KIF6: variants seen among roughly 807,000 people sequenced by gnomAD.
The protein encoded by KIF6 is kinesin family member 6.
Under a neutral mutation model 112.7 loss-of-function variants are expected in KIF6, and 106 were observed. That is an observed-to-expected ratio of 0.94 (90% CI 0.80 to 1.11). The LOEUF (loss-of-function observed/expected upper bound fraction) is 1.11. KIF6 is among the 50% of genes least tolerant of loss of function. The pLI is 0.00. For synonymous variants in KIF6, 339 were observed against 339.9 expected, an observed-to-expected ratio of 1.00 and a Z score of 0.03; for missense variants, 929 against 964.0, an observed-to-expected ratio of 0.96 and a Z score of 0.48.
intron 5 of KIF6, among the ~76,000 whole-genome samples, chr6:39,632,670 C>T (rs1043383341): frequency 5.3e-5 from 8 of 151,936 alleles, no homozygotes; most frequent in African/African-American, 1.9e-4. Flanking sequence ...AGAAAACTAG[C>T]AGATTCAATA....
intron 3 of KIF6, among the ~76,000 whole-genome samples, chr6:39,661,439 A>G (rs1251148457): frequency 6.6e-6 from 1 of 152,156 alleles, no homozygotes; most frequent in Non-Finnish European, 1.5e-5. Context: ...TGCTATGTAC[A>G]CTTTTAGATT....
chr6:39,667,541 A>G (rs535723760), intron 3 of KIF6, among the ~76,000 whole-genome samples: 1 of 152,314 alleles, frequency 6.6e-6, no homozygotes, highest in East Asian at 1.9e-4. Flanking sequence ...AGAATGCTTT[A>G]CCAGCTTTCT....
intron 3 of KIF6, among the ~76,000 whole-genome samples, chr6:39,672,017 C>T (rs1786845095): frequency 6.6e-6 from 1 of 152,164 alleles, no homozygotes; most frequent in South Asian, 2.1e-4. Context: ...ACCTGGTACC[C>T]TAAGCTGTTG....
At chr6:39,638,466 A>C (rs1467152210) in intron 4 of KIF6, among the ~76,000 whole-genome samples, 1 of 152,134 alleles carries the variant, frequency 6.6e-6, no homozygotes, top group Admixed American at 6.6e-5. Context: ...GAAATAAGTG[A>C]GTAAATGAAA....
At chr6:39,361,597 A>C (rs1199527107) in intron 17 of KIF6, among the ~76,000 whole-genome samples, 1 of 150,788 alleles carries the variant, frequency 6.6e-6, no homozygotes, top group Non-Finnish European at 1.5e-5. Context: ...GGTGTTGGAA[A>C]GAAACTAAGG....
chr6:39,535,085 C>G (rs948153725), intron 13 of KIF6, among the ~76,000 whole-genome samples: 13 of 152,194 alleles, frequency 8.5e-5, no homozygotes, highest in African/African-American at 3.1e-4. Flanking sequence ...AAAGGAACAA[C>G]TGGTACCAGC....
At chr6:39,360,294 G>C (rs552165968) in intron 18 of KIF6, 101 bp downstream of exon 18, 1 of 1,357,328 alleles carries the variant, frequency 7.4e-7, no homozygotes, top group East Asian at 2.3e-5. Flanking sequence ...CTGAGACCAT[G>C]GGGGCCTGTG....
intron 13 of KIF6, among the ~76,000 whole-genome samples, chr6:39,463,540 A>T (rs915057755): frequency 6.6e-6 from 1 of 152,186 alleles, no homozygotes; most frequent in African/African-American, 2.4e-5. Context: ...GCATGTTTAG[A>T]TCTATTTAAC....
chr6:39,450,448 T>C (rs916739176), intron 13 of KIF6, among the ~76,000 whole-genome samples: 14 of 152,210 alleles, frequency 9.2e-5, no homozygotes, highest in Non-Finnish European at 1.6e-4. Flanking sequence ...ATTACTTTAC[T>C]TTTTCTAATT....
intron 6 of KIF6, among the ~76,000 whole-genome samples, chr6:39,601,503 C>T (rs971155971): frequency 3.3e-5 from 5 of 152,090 alleles, no homozygotes; most frequent in African/African-American, 1.2e-4. Flanking sequence ...AACTGTTTAT[C>T]AAAATCCTTT....
At chr6:39,483,504 C>G (rs1028638370) in intron 13 of KIF6, among the ~76,000 whole-genome samples, 1 of 152,174 alleles carries the variant, frequency 6.6e-6, no homozygotes, top group African/African-American at 2.4e-5. Flanking sequence ...TGGGGTGTAC[C>G]TTTGTCTGAC....
intron 19 of KIF6, among the ~76,000 whole-genome samples, chr6:39,348,879 G>A (rs1763995127): frequency 6.6e-6 from 1 of 152,208 alleles, no homozygotes; most frequent in South Asian, 2.1e-4. Context: ...AACAGCCGCT[G>A]GGCCCTCGCT....
intron 13 of KIF6, among the ~76,000 whole-genome samples, chr6:39,432,810 C>T (rs1200945515): frequency 6.6e-6 from 1 of 152,178 alleles, no homozygotes; most frequent in Non-Finnish European, 1.5e-5. Flanking sequence ...CCTTTTGCTA[C>T]ATAATAAAAT....
chr6:39,672,274 G>A (rs1032098730), intron 3 of KIF6, among the ~76,000 whole-genome samples: 2 of 152,060 alleles, frequency 1.3e-5, no homozygotes, highest in South Asian at 2.1e-4. Flanking sequence ...GAGCCACCAC[G>A]CCCAGCTAGA....
intron 19 of KIF6, among the ~76,000 whole-genome samples, chr6:39,347,447 AC>A (rs1160103210): frequency 6.6e-6 from 1 of 152,184 alleles, no homozygotes; most frequent in African/African-American, 2.4e-5. Context: ...GTGCAGTGGA[AC>A]CCAGAAGCTC....
At chr6:39,518,456 G>C (rs1189104092) in intron 13 of KIF6, among the ~76,000 whole-genome samples, 1 of 152,206 alleles carries the variant, frequency 6.6e-6, no homozygotes, top group East Asian at 1.9e-4. Flanking sequence ...CATATCAGTG[G>C]ATTGTAAAAT....
intron 3 of KIF6, among the ~76,000 whole-genome samples, chr6:39,695,077 C>G (rs1442028508): frequency 1.3e-5 from 2 of 152,008 alleles, no homozygotes; most frequent in Non-Finnish European, 2.9e-5. Flanking sequence ...GAAAGGATAC[C>G]CTATTGAATA....
Position 39,555,467 on chromosome 6 carries a change from CGTGTACTT to C in KIF6, c.1182-9787_1182-9780del, listed in dbSNP as rs1277011077. On this transcript the variant is annotated intron_variant, in intron 10 of 22. Transcript: ENST00000287152. ...TGCTACCCTGCTGGGCCCTCAGCCC[CGTGTACTT>C]GTAGGGGGTAGGAGTAGGGGTGGGG... Among the ~76,000 whole-genome samples the C allele has an allele frequency of 6.2e-4, 94 of 152,012 alleles. 3 individuals carry two copies. Among genetic ancestry groups the C allele is most frequent in the Non-Finnish European group, 2.9e-5 (2 of 67,996 alleles).
In KIF6 at chr6:39,613,250, G is replaced by A; in HGVS notation, c.578C>T (p.Thr193Ile). The change falls in exon 6 of 23, where the codon ACC becomes ATC. Residue 193 changes from threonine to isoleucine, a missense_variant. Coordinates refer to ENST00000287152, the MANE Select transcript of KIF6 (RefSeq NM_145027.6). ...CAAATTCAGAGCTTCTTCCTCTGTGGTTGCCTGATGGAGAGTCAAGTTTTT... is the reference window on the plus strand; with the variant it reads ...CAAATTCAGAGCTTCTTCCTCTGTGATTGCCTGATGGAGAGTCAAGTTTTT... ...HLKNLTLHQA[T>I]TEEEALNLLF... 6.2e-7 allele frequency: 1 copy of A among 1,606,352 alleles called. No individual in the cohort carries two copies. Among genetic ancestry groups the A allele is most frequent in the Non-Finnish European group, 8.5e-7 (1 of 1,176,138 alleles).
Sources: gnomAD v4.1 joint callset for allele counts (sites outside exome capture counted in the v4.1 genomes callset) on GRCh38, gnomAD v4.1.1 for gene constraint, MANE v1.5 for transcripts, NCBI Gene and HGNC (gene_info 2026-07-23, HGNC 2026-07-21) for gene names.